TENM4: variants seen among roughly 807,000 people sequenced by gnomAD.
TENM4 encodes the protein teneurin-4.
In TENM4, 82 loss-of-function variants were observed where a neutral mutation model predicts 243.3. The ratio of observed to expected loss-of-function variants is 0.34; its 90% confidence interval spans 0.28 to 0.40. TENM4 has a LOEUF of 0.40. Ranked by LOEUF, TENM4 falls within the 10% of genes least tolerant of loss-of-function variation. TENM4 has a pLI of 1.00. For synonymous variants in TENM4, 1,412 were observed against 1,456.3 expected, an observed-to-expected ratio of 0.97 and a Z score of 0.69; for missense variants, 3,138 against 3,673.3, an observed-to-expected ratio of 0.85 and a Z score of 3.77.
intron 6 of TENM4, among the ~76,000 whole-genome samples, chr11:79,033,488 G>A (rs1388006113): frequency 1.3e-5 from 2 of 152,224 alleles, no homozygotes; most frequent in Non-Finnish European, 2.9e-5. Context: ...GGTGAACAAA[G>A]TATTATGGTC....
intron 17 of TENM4, among the ~76,000 whole-genome samples, chr11:78,775,084 T>C (rs1264183750): frequency 6.6e-6 from 1 of 152,196 alleles, no homozygotes; most frequent in African/African-American, 2.4e-5. Flanking sequence ...ATTCTTATTG[T>C]AGAAAGTCAC....
At chr11:78,881,326 A>G (rs1301078106) in intron 9 of TENM4, among the ~76,000 whole-genome samples, 1 of 152,152 alleles carries the variant, frequency 6.6e-6, no homozygotes, top group Non-Finnish European at 1.5e-5. Flanking sequence ...GGCCTGGATC[A>G]ATGGTTCCCT....
At chr11:78,703,084 G>C (rs1365452535) in intron 27 of TENM4, among the ~76,000 whole-genome samples, 1 of 152,156 alleles carries the variant, frequency 6.6e-6, no homozygotes. Flanking sequence ...TATCTGTGGC[G>C]ATTTTAGAAA....
At chr11:79,007,257 T>C (rs1271220905) in intron 6 of TENM4, among the ~76,000 whole-genome samples, 1 of 152,190 alleles carries the variant, frequency 6.6e-6, no homozygotes, top group Non-Finnish European at 1.5e-5. Context: ...TATGGAAATA[T>C]TCTGTGATAA....
intron 18 of TENM4, among the ~76,000 whole-genome samples, chr11:78,766,410 T>C (rs532205085): frequency 6.6e-6 from 1 of 152,344 alleles, no homozygotes; most frequent in South Asian, 2.1e-4. Flanking sequence ...TGCATGTGTC[T>C]GTACCTAATA....
At chr11:79,143,941 A>G (rs929388568) in intron 4 of TENM4, among the ~76,000 whole-genome samples, 1 of 151,918 alleles carries the variant, frequency 6.6e-6, no homozygotes, top group Non-Finnish European at 1.5e-5. Flanking sequence ...GGAAAAATAG[A>G]TAAATTGGAT....
chr11:79,258,626 A>C (rs1163378893), intron 2 of TENM4, among the ~76,000 whole-genome samples: 1 of 152,190 alleles, frequency 6.6e-6, no homozygotes, highest in Non-Finnish European at 1.5e-5. Context: ...TGCACCAGGG[A>C]ATCTTTACTG....
intron 12 of TENM4, among the ~76,000 whole-genome samples, chr11:78,837,772 T>C (rs563374328): frequency 1.3e-5 from 2 of 152,240 alleles, no homozygotes; most frequent in African/African-American, 4.8e-5. Flanking sequence ...TTATAAGCAT[T>C]TTCCCATAGT....
intron 19 of TENM4, among the ~76,000 whole-genome samples, chr11:78,743,977 T>C (rs1205326059): frequency 1.3e-5 from 2 of 152,344 alleles, no homozygotes; most frequent in African/African-American, 4.8e-5. Flanking sequence ...ATTATGTAAA[T>C]CACTCCTTTG....
chr11:79,309,365 C>T (rs1188053150), intron 1 of TENM4, among the ~76,000 whole-genome samples: 1 of 152,110 alleles, frequency 6.6e-6, no homozygotes, highest in Non-Finnish European at 1.5e-5. Flanking sequence ...GGGTCCTCAT[C>T]CCATCCTGGC....
intron 28 of TENM4, among the ~76,000 whole-genome samples, chr11:78,693,817 C>T (rs1858888487): frequency 6.6e-6 from 1 of 152,144 alleles, no homozygotes; most frequent in African/African-American, 2.4e-5. Context: ...AGTTCGAGAC[C>T]AGCCTGGCCA....
At chr11:78,955,674 GT>G (rs1857196265) in intron 6 of TENM4, among the ~76,000 whole-genome samples, 1 of 152,186 alleles carries the variant, frequency 6.6e-6, no homozygotes, top group Non-Finnish European at 1.5e-5. Flanking sequence ...GAGGGCCCTG[GT>G]TCTCCCAGGA....
chr11:79,327,649 CTT>C (rs11408549), intron 1 of TENM4, among the ~76,000 whole-genome samples: 112 of 119,744 alleles, frequency 9.4e-4, no homozygotes, highest in Admixed American at 1.1e-3. Context: ...AATTGGAAAG[CTT>C]TTTTTTTTTT....
At chr11:79,001,300 G>T (rs1288319076) in intron 6 of TENM4, among the ~76,000 whole-genome samples, 1 of 152,176 alleles carries the variant, frequency 6.6e-6, no homozygotes, top group African/African-American at 2.4e-5. Flanking sequence ...GGAAGACATT[G>T]ATAGTGGATG....
intron 4 of TENM4, among the ~76,000 whole-genome samples, chr11:79,087,809 C>A (rs75218808): frequency 0.011 from 1,677 of 152,312 alleles, 41 homozygotes; most frequent in African/African-American, 0.039. Flanking sequence ...GCCCTGTTTG[C>A]CTTCCTAGCA....
At chr11:79,108,607 T>C (rs1861429974) in intron 4 of TENM4, among the ~76,000 whole-genome samples, 1 of 152,058 alleles carries the variant, frequency 6.6e-6, no homozygotes, top group Non-Finnish European at 1.5e-5. Flanking sequence ...CTTAACCAAC[T>C]CACCAAAATT....
intron 4 of TENM4, among the ~76,000 whole-genome samples, chr11:79,135,434 CAG>C (rs1256635994): frequency 6.6e-6 from 1 of 151,952 alleles, no homozygotes; most frequent in Non-Finnish European, 1.5e-5. Context: ...CTATGGAAAA[CAG>C]TGTGGAGATT....
At chr11:78,974,657 G>C (rs1857610604) in intron 6 of TENM4, among the ~76,000 whole-genome samples, 1 of 151,998 alleles carries the variant, frequency 6.6e-6, no homozygotes, top group Non-Finnish European at 1.5e-5. Flanking sequence ...TCAAAAAGTG[G>C]AAGTGGTAGC....
intron 4 of TENM4, among the ~76,000 whole-genome samples, chr11:79,134,055 C>G (rs1862062907): frequency 6.6e-6 from 1 of 152,272 alleles, no homozygotes; most frequent in African/African-American, 2.4e-5. Context: ...GAAAGCCAAA[C>G]TGTCACTGTT....
Sources: gnomAD v4.1 joint callset for allele counts (sites outside exome capture counted in the v4.1 genomes callset) on GRCh38, gnomAD v4.1.1 for gene constraint, MANE v1.5 for transcripts, NCBI Gene and HGNC (gene_info 2026-07-23, HGNC 2026-07-21) for gene names.